MINAR1: variants seen among roughly 807,000 people sequenced by gnomAD.
The protein encoded by MINAR1 is major intrinsically disordered Notch2-binding receptor 1.
In MINAR1, 40 loss-of-function variants were observed where a neutral mutation model predicts 65.1. The observed-to-expected ratio is 0.61, with a 90% confidence interval of 0.48 to 0.80. The LOEUF is 0.80. Among genes scored for constraint, MINAR1 ranks in the 30% least tolerant of loss-of-function variants. MINAR1 has a pLI of 0.00. For synonymous variants in MINAR1, 482 were observed against 449.1 expected, an observed-to-expected ratio of 1.07 and a Z score of -0.93; for missense variants, 1,128 against 1,148.0, an observed-to-expected ratio of 0.98 and a Z score of 0.25.
chr15:79,463,218 T>C lies in MINAR1; in HGVS notation c.2450T>C (p.Leu817Pro). Residue 817 changes from leucine (L) to proline (P), a missense_variant, in exon 3 of 4, where the codon CTG becomes CCG. By Grantham distance (98) the Leu-to-Pro change is moderately conservative. Coordinates refer to ENST00000305428, the MANE Select transcript of MINAR1 (RefSeq NM_015206.3). ...AACCCCCTGTACACAGACATGCGGC[T>C]GACCGAGTTGGCCGAGGTGAAGCGG... Reference protein sequence around the residue: ...KSNPLYTDMRLTELAEVKRGQ... With the variant: ...KSNPLYTDMRPTELAEVKRGQ... 6.2e-7 allele frequency: 1 copy of C among 1,614,250 alleles called. No individual in the cohort carries two copies. Among genetic ancestry groups the C allele is most frequent in the African/African-American group, 1.3e-5 (1 of 75,074 alleles).
intron 1 of MINAR1, among the ~76,000 whole-genome samples, chr15:79,453,553 G>A (rs557652529): frequency 2.0e-5 from 3 of 152,226 alleles, no homozygotes; most frequent in African/African-American, 4.8e-5. Context: ...TACAGAGCCC[G>A]GAAACAGATT....
intron 3 of MINAR1, among the ~76,000 whole-genome samples, chr15:79,467,420 A>ATAAC (rs1037378442): frequency 1.6e-4 from 25 of 152,246 alleles, no homozygotes; most frequent in African/African-American, 6.0e-4. Context: ...GAAATAGATT[A>ATAAC]TAACTGTCAA....
upstream of MINAR1, among the ~76,000 whole-genome samples, chr15:79,429,354 T>G (rs997269580): frequency 2.6e-5 from 4 of 152,260 alleles, no homozygotes; most frequent in African/African-American, 9.6e-5. Context: ...CCAGGTCAAG[T>G]GATTTGTCCA....
Position 79,468,175 on chromosome 15 carries a change from CTT to C in MINAR1, c.2554-11_2554-10del. The stretch of plus-strand genomic sequence containing the variant: ...ATTCACTGTATTTCTAACATCTTCT[CTT>C]CGCTTTTAGACGCAAGAATCTTTAA... On this transcript the variant is annotated splice_polypyrimidine_tract_variant and intron_variant, in intron 3 of 3. Coordinates refer to ENST00000305428, the MANE Select transcript of MINAR1 (RefSeq NM_015206.3). The C allele has an allele frequency of 6.2e-7, 1 of 1,608,592 alleles. No homozygotes were observed. The highest frequency in any genetic ancestry group is 8.5e-7 in the Non-Finnish European group (1 of 1,175,500).
At chr15:79,462,807 G>A (rs962184893) in intron 2 of MINAR1, among the ~76,000 whole-genome samples, 1 of 152,172 alleles carries the variant, frequency 6.6e-6, no homozygotes, top group African/African-American at 2.4e-5. Context: ...GATTCACAAT[G>A]GTAGTGATGG....
rs962874632 is a variant in MINAR1 at position 79,471,015 on chromosome 15, C to CCTAT, written c.*2638_*2641dup. 7 of 152,102 alleles carry CCTAT rather than the reference C, an allele frequency of 4.6e-5. No homozygotes were observed. Among genetic ancestry groups the CCTAT allele is most frequent in the Non-Finnish European group, 7.3e-5 (5 of 68,034 alleles). The allele number at this position is 152,102 out of a possible 1,614,324, so 9.4% of individuals were successfully genotyped here. On this transcript the variant is annotated 3_prime_UTR_variant, in exon 4 of 4. Coordinates refer to ENST00000305428, the MANE Select transcript of MINAR1 (RefSeq NM_015206.3). ...TTCCTTCCCTGACCCTGAGACTCAC[C>CCTAT]CTATCTATCTCCCCTATTCCCTCAG...
chr15:79,468,583 T>C lies in MINAR1; in HGVS notation c.*199T>C. 1.7e-6 allele frequency: 1 copy of C among 578,984 alleles called. No individual in the cohort carries two copies. The highest frequency in any genetic ancestry group is 3.3e-5 in the Admixed American group (1 of 30,450). The allele number at this position is 578,984 out of a possible 1,614,324, so 35.9% of individuals were successfully genotyped here. A position where few individuals can be genotyped will look rare whatever the true frequency, so the allele number is the denominator to read the frequency against. Reference sequence around the variant, plus strand: ...TACCTACCTATTAGCTTTGACTCAATTACACTCTGACGCATTTTTAGAAGT... The same window carrying C: ...TACCTACCTATTAGCTTTGACTCAACTACACTCTGACGCATTTTTAGAAGT... On this transcript the variant is annotated 3_prime_UTR_variant, in exon 4 of 4. Coordinates refer to ENST00000305428, the MANE Select transcript of MINAR1 (RefSeq NM_015206.3).
At chr15:79,454,031 C>T (rs531085349) in intron 1 of MINAR1, among the ~76,000 whole-genome samples, 1 of 152,144 alleles carries the variant, frequency 6.6e-6, no homozygotes, top group Admixed American at 6.5e-5. Context: ...TGGTCCTGTG[C>T]TCTGATATCT....
chr15:79,446,318 T>C (rs1895016094), intron 1 of MINAR1, among the ~76,000 whole-genome samples: 1 of 152,154 alleles, frequency 6.6e-6, no homozygotes, highest in East Asian at 1.9e-4. Context: ...AGTTGATACA[T>C]GATTAGAATT....
At chr15:79,446,890 G>A (rs1316474619) in intron 1 of MINAR1, among the ~76,000 whole-genome samples, 2 of 151,724 alleles carry the variant, frequency 1.3e-5, no homozygotes, top group African/African-American at 4.8e-5. Context: ...TGTCATTGTT[G>A]CTGTTTTGTT....
In MINAR1 at chr15:79,459,179, G is replaced by GA. The variant is rs199732618; in HGVS notation, c.2298+743dup. On this transcript the variant is annotated intron_variant, in intron 2 of 3. Coordinates refer to ENST00000305428, the MANE Select transcript of MINAR1 (RefSeq NM_015206.3). ...GGGTAACAGAGCAAGACTGTCTCAA[G>GA]AAAAAAAAAGATAAGAAAGTCATTC... Among the ~76,000 whole-genome samples, 1,263 of 151,166 alleles carry GA rather than the reference G, an allele frequency of 8.4e-3. 15 individuals are homozygous for GA. Among genetic ancestry groups the GA allele is most frequent in the African/African-American group, 0.026 (1,066 of 41,302 alleles).
At position 79,457,523 on chromosome 15, in the gene MINAR1, G is replaced by A. The variant is rs778855436; in HGVS notation, c.1376G>A (p.Ser459Asn). The stretch of plus-strand genomic sequence containing the variant: ...CCAGTCAAAAAGTTTAAAGACAAGA[G>A]CATTAACTGCACCAGTGGGCAGCTC... ...HEPVKKFKDK[S>N]INCTSGQLSS... Residue 459 changes from serine (S) to asparagine (N), a missense_variant, in exon 2 of 4, where the codon AGC becomes AAC. Ser to Asn is a conservative substitution (Grantham distance 46, BLOSUM62 1). Transcript: ENST00000305428. 7.4e-6 allele frequency: 12 copies of A among 1,614,046 alleles called. No homozygotes were observed. The Admixed American group carries it at 1.0e-4, about 13-fold the overall frequency.
rs1895990940 is a variant in MINAR1, at chr15:79,469,392, G to T, written c.*1008G>T. The stretch of plus-strand genomic sequence containing the variant: ...CTGCCATTTTCAATGGCTTTAAAAA[G>T]ATTTTGAAAGCTTGCTCAATAATGT... On this transcript the variant is annotated 3_prime_UTR_variant, in exon 4 of 4. Transcript: ENST00000305428. 6.6e-6 allele frequency: 1 copy of T among 152,528 alleles called. No individual in the cohort carries two copies. Among genetic ancestry groups the T allele is most frequent in the Non-Finnish European group, 1.5e-5 (1 of 68,004 alleles). 9.4% of individuals were successfully genotyped at this position (152,528 alleles called of 1,614,324 possible). A position where few individuals can be genotyped will look rare whatever the true frequency, so the allele number is the denominator to read the frequency against.
intron 1 of MINAR1, among the ~76,000 whole-genome samples, chr15:79,439,428 A>AGT (rs137952274): frequency 5.6e-5 from 8 of 142,062 alleles, no homozygotes; most frequent in African/African-American, 1.9e-4. Context: ...TGGGGTAGGC[A>AGT]GTGTGTGTGG....
At chr15:79,417,912 C>T in the MINAR1 span, 4 of 152,348 alleles carry the variant, frequency 2.6e-5, 1 homozygote, top group South Asian at 8.3e-4. Context: ...TGAACACGGG[C>T]TTGGCCGTGC....
chr15:79,452,820 AAG>A (rs1895278328), intron 1 of MINAR1, among the ~76,000 whole-genome samples: 1 of 130,138 alleles, frequency 7.7e-6, no homozygotes, highest in African/African-American at 2.9e-5. Flanking sequence ...TGTGGGTGTG[AAG>A]CTGTCAGTGT....
In MINAR1 at chr15:79,458,322, C is replaced by A. The variant is rs780958754; in HGVS notation, c.2175C>A (p.Ser725Arg). 6.2e-7 allele frequency: 1 copy of A among 1,614,200 alleles called. No individual in the cohort carries two copies. The highest frequency in any genetic ancestry group is 1.7e-5 in the Admixed American group (1 of 60,022). Reference sequence around the variant, plus strand: ...GTGCCACAGAGTCCAAAATTGCCAGCATCTCCAACTCGCCCAGAGACTGGC... The same window carrying A: ...GTGCCACAGAGTCCAAAATTGCCAGAATCTCCAACTCGCCCAGAGACTGGC... The part of the protein sequence containing the change: ...ENSATESKIA[S>R]ISNSPRDWRT... Residue 725 changes from serine (S) to arginine (R), a missense_variant, in exon 2 of 4, where the codon AGC (serine) becomes AGA (arginine). Ser to Arg is a moderately radical substitution (Grantham distance 110, BLOSUM62 -1). Coordinates refer to ENST00000305428, the MANE Select transcript of MINAR1 (RefSeq NM_015206.3).
intron 1 of MINAR1, among the ~76,000 whole-genome samples, chr15:79,440,219 C>T (rs116578581): frequency 2.0e-4 from 31 of 152,146 alleles, no homozygotes; most frequent in African/African-American, 7.2e-4. Context: ...TGCTTTATCC[C>T]CCATATTTTA....
At chr15:79,465,196 G>C (rs562237895) in intron 3 of MINAR1, among the ~76,000 whole-genome samples, 1 of 152,196 alleles carries the variant, frequency 6.6e-6, no homozygotes, top group Non-Finnish European at 1.5e-5. Flanking sequence ...TTCAATAGCC[G>C]TGTGAGGGTG....
Sources: allele counts gnomAD v4.1 joint callset (sites outside exome capture counted in the v4.1 genomes callset), GRCh38; gene constraint gnomAD v4.1.1; transcripts MANE v1.5; gene names NCBI Gene and HGNC (gene_info 2026-07-23, HGNC 2026-07-21).